Variants in WDR7 observed in about 807,000 individuals in gnomAD.
WDR7 encodes the protein WD repeat domain 7, also known as WD repeat-containing protein 7.
In WDR7, 46 loss-of-function variants were observed where a neutral mutation model predicts 169.4. The observed-to-expected ratio is 0.27, with a 90% CI of 0.21 to 0.35. WDR7 has a LOEUF of 0.35. Among genes scored for constraint, WDR7 ranks in the 10% least tolerant of loss-of-function variants. The pLI, the probability that WDR7 is intolerant of heterozygous loss-of-function variation, is 1.00. For missense variants in WDR7, 1,534 were observed against 1,859.3 expected (o/e 0.83, Z 3.22); for synonymous variants, 612 against 666.8 (o/e 0.92, Z 1.27).
intron 20 of WDR7, among the ~76,000 whole-genome samples, chr18:56,847,236 A>G (rs2045581195): frequency 6.6e-6 from 1 of 152,202 alleles, no homozygotes; most frequent in Non-Finnish European, 1.5e-5. Context: ...CATTGTGTCC[A>G]GACCCTAAGG....
intron 26 of WDR7, among the ~76,000 whole-genome samples, chr18:56,996,471 T>G (rs1023079097): frequency 6.6e-6 from 1 of 152,234 alleles, no homozygotes; most frequent in African/African-American, 2.4e-5. Context: ...CGACCAAATT[T>G]ATCAGAGAGA....
At chr18:56,712,264 T>C (rs1482429763) in intron 12 of WDR7, among the ~76,000 whole-genome samples, 4 of 152,158 alleles carry the variant, frequency 2.6e-5, no homozygotes, top group African/African-American at 9.7e-5. Flanking sequence ...ATAAGAGGTT[T>C]CTGGGAATGG....
chr18:56,716,201 T>C (rs1436996437), intron 12 of WDR7, among the ~76,000 whole-genome samples: 1 of 152,192 alleles, frequency 6.6e-6, no homozygotes, highest in Non-Finnish European at 1.5e-5. Context: ...TGTCTTTTGC[T>C]AAGACATTAA....
intron 12 of WDR7, among the ~76,000 whole-genome samples, chr18:56,706,248 A>G (rs1052080713): frequency 6.6e-6 from 1 of 152,276 alleles, no homozygotes; most frequent in South Asian, 2.1e-4. Context: ...AACAAACAAC[A>G]AAGTTGACTT....
intron 26 of WDR7, among the ~76,000 whole-genome samples, chr18:56,976,081 A>G (rs2047560672): frequency 2.0e-5 from 3 of 151,978 alleles, no homozygotes; most frequent in Admixed American, 1.3e-4. Flanking sequence ...GTTGAGGTTG[A>G]ATTGAAGAAG....
At chr18:56,728,055 C>T (rs1173736300) in intron 13 of WDR7, among the ~76,000 whole-genome samples, 2 of 152,108 alleles carry the variant, frequency 1.3e-5, no homozygotes, top group East Asian at 1.9e-4. Flanking sequence ...TCCCAATTTC[C>T]GTTTATCTGA....
intron 13 of WDR7, among the ~76,000 whole-genome samples, chr18:56,719,292 G>A (rs891512258): frequency 1.3e-5 from 2 of 151,982 alleles, no homozygotes; most frequent in African/African-American, 4.8e-5. Context: ...GGCCGGGCGC[G>A]GTGGCTCACG....
intron 21 of WDR7, among the ~76,000 whole-genome samples, chr18:56,905,539 A>G (rs1168355960): frequency 6.6e-6 from 1 of 152,156 alleles, no homozygotes; most frequent in Admixed American, 6.5e-5. Context: ...TTACAAATGT[A>G]CCCTGAGAAC....
In WDR7 at chr18:56,877,053, C is replaced by A. The variant is rs116769615; in HGVS notation, c.3305-2891C>A. Among the ~76,000 whole-genome samples, 847 of 151,866 alleles carry A rather than the reference C, an allele frequency of 5.6e-3. 11 individuals are homozygous for A. Among genetic ancestry groups the A allele is most frequent in the African/African-American group, 0.019 (804 of 41,436 alleles). On this transcript the variant is annotated intron_variant, in intron 20 of 27. Transcript: ENST00000254442. ...AAATAAAAACCAAAACAAAAATAAT[C>A]TGATAAAACATATATTTCCAGCAAA...
At position 56,694,233 on chromosome 18, in the gene WDR7, A is replaced by G. The variant is rs183503721; in HGVS notation, c.967-386A>G. On this transcript the variant is annotated intron_variant, in intron 9 of 27. Coordinates refer to ENST00000254442, the MANE Select transcript of WDR7 (RefSeq NM_015285.3). ...AGGAATAGTGAGTTCTCTCATCTTG[A>G]CCTTTTAAGTGAAGACTTTTCTTTT... 1.9e-3 allele frequency among the ~76,000 whole-genome samples: 284 copies of G among 152,272 alleles called. 1 individual carries two copies. Among genetic ancestry groups the G allele is most frequent in the Middle Eastern group, 0.017 (5 of 294 alleles).
chr18:56,868,973 A>G (rs2045919015), intron 20 of WDR7, among the ~76,000 whole-genome samples: 1 of 152,158 alleles, frequency 6.6e-6, no homozygotes, highest in South Asian at 2.1e-4. Context: ...CAAAGAAAAA[A>G]ATTAACTTGT....
At chr18:56,893,161 A>G (rs867354486) in intron 21 of WDR7, among the ~76,000 whole-genome samples, 3 of 150,014 alleles carry the variant, frequency 2.0e-5, no homozygotes, top group East Asian at 3.9e-4. Context: ...TTTGTAGCCA[A>G]TTTAATAACG....
intron 14 of WDR7, among the ~76,000 whole-genome samples, chr18:56,743,159 A>C (rs2043646087): frequency 6.6e-6 from 1 of 152,176 alleles, no homozygotes; most frequent in African/African-American, 2.4e-5. Flanking sequence ...TAGCTCTATC[A>C]CGTGTGATAT....
chr18:56,867,759 G>A (rs1444787212), intron 20 of WDR7, among the ~76,000 whole-genome samples: 2 of 152,032 alleles, frequency 1.3e-5, no homozygotes, highest in Non-Finnish European at 2.9e-5. Context: ...TAGATATTCA[G>A]TATCTCTAGG....
At chr18:57,020,004 C>A (rs2048265279) in intron 26 of WDR7, among the ~76,000 whole-genome samples, 1 of 152,216 alleles carries the variant, frequency 6.6e-6, no homozygotes, top group Non-Finnish European at 1.5e-5. Flanking sequence ...TTATTAATAT[C>A]ATCAGACTTG....
chr18:56,729,880 T>G (rs2026544457), intron 13 of WDR7, among the ~76,000 whole-genome samples: 1 of 152,256 alleles, frequency 6.6e-6, no homozygotes, highest in South Asian at 2.1e-4. Context: ...ATGCTGAATA[T>G]CTGTACGGTA....
chr18:56,926,622 G>C (rs1273365514), intron 22 of WDR7, among the ~76,000 whole-genome samples: 2 of 152,174 alleles, frequency 1.3e-5, no homozygotes, highest in Non-Finnish European at 2.9e-5. Context: ...CACAAACACT[G>C]AAGTTTTCAG....
At chr18:56,856,872 G>GT (rs1218369617) in intron 20 of WDR7, among the ~76,000 whole-genome samples, 4 of 152,190 alleles carry the variant, frequency 2.6e-5, no homozygotes, top group Admixed American at 2.6e-4. Flanking sequence ...TATTCTAAAA[G>GT]TTTTTTATGG....
chr18:56,728,616 T>C (rs1048910204), intron 13 of WDR7, among the ~76,000 whole-genome samples: 1 of 152,080 alleles, frequency 6.6e-6, no homozygotes, highest in African/African-American at 2.4e-5. Flanking sequence ...TGCCCTCTTC[T>C]CTCTTTGGGC....
Sources: gnomAD v4.1 joint callset for allele counts (sites outside exome capture counted in the v4.1 genomes callset) on GRCh38, gnomAD v4.1.1 for gene constraint, MANE v1.5 for transcripts, NCBI Gene and HGNC (gene_info 2026-07-23, HGNC 2026-07-21) for gene names.